The following DACH2 variants were observed in gnomAD, a reference collection of about 807,000 sequenced individuals.
The protein encoded by DACH2 is dachshund family transcription factor 2.
A neutral mutation model predicts 35.8 loss-of-function variants in DACH2; 17 were observed. The ratio of observed to expected loss-of-function variants is 0.48; its 90% CI spans 0.33 to 0.71. The LOEUF is 0.71. Ranked by LOEUF, DACH2 falls within the 30% of genes least tolerant of loss-of-function variation. The pLI is 0.02. For missense variants in DACH2, 469 were observed against 472.7 expected, an observed-to-expected ratio of 0.99 and a Z score of 0.07; for synonymous variants, 195 against 177.3, an observed-to-expected ratio of 1.10 and a Z score of -0.79.
chrX:86,747,741 G>A lies in DACH2; in HGVS notation c.1240+7859G>A, dbSNP rs138644288. On this transcript the variant is annotated intron_variant, in intron 7 of 11. Transcript: ENST00000373125. ...CAGATCAGGGTGGTGGTCACTGAAG[G>A]TTGGGGTGGCTGTGGAAATTCCTTA... Among the ~76,000 whole-genome samples, 773 of 111,766 alleles carry A rather than the reference G, an allele frequency of 6.9e-3. 4 individuals are homozygous for A. Among genetic ancestry groups the A allele is most frequent in the African/African-American group, 0.024 (731 of 30,811 alleles).
chrX:86,157,512 T>C (rs1012210300), intron 1 of DACH2, among the ~76,000 whole-genome samples: 1 of 111,806 alleles, frequency 8.9e-6, no homozygotes, highest in African/African-American at 3.2e-5. Flanking sequence ...TTAAAAGAAT[T>C]TGCAAGCTAA....
intron 2 of DACH2, among the ~76,000 whole-genome samples, chrX:86,494,660 A>G (rs2038140947): frequency 8.9e-6 from 1 of 112,356 alleles, no homozygotes; most frequent in Non-Finnish European, 1.9e-5. Context: ...TTTGGTATAA[A>G]CCACTGTGCA....
chrX:86,612,719 A>G (rs2039960615), intron 3 of DACH2, among the ~76,000 whole-genome samples: 2 of 112,265 alleles, frequency 1.8e-5, no homozygotes, highest in East Asian at 2.8e-4. Flanking sequence ...TGTCTTTCCT[A>G]CCCACTACAG....
intron 4 of DACH2, among the ~76,000 whole-genome samples, chrX:86,671,685 A>G (rs1321828675): frequency 9.0e-6 from 1 of 111,665 alleles, no homozygotes; most frequent in African/African-American, 3.3e-5. Flanking sequence ...AATTAAAGTT[A>G]TTTTCTTTAT....
chrX:86,669,960 G>T (rs1298553738), intron 4 of DACH2, among the ~76,000 whole-genome samples: 1 of 109,474 alleles, frequency 9.1e-6, no homozygotes, highest in African/African-American at 3.3e-5. Flanking sequence ...TCTTTCTTTT[G>T]CAAAGGAAAA....
intron 5 of DACH2, among the ~76,000 whole-genome samples, chrX:86,705,987 C>G (rs919824792): frequency 8.9e-6 from 1 of 111,829 alleles, no homozygotes; most frequent in East Asian, 2.8e-4. Context: ...TGAAGTAACT[C>G]AGGAATGGAA....
chrX:86,260,129 T>A (rs1277021285), intron 1 of DACH2, among the ~76,000 whole-genome samples: 1 of 110,807 alleles, frequency 9.0e-6, no homozygotes, highest in Non-Finnish European at 1.9e-5. Flanking sequence ...ATCAAACATA[T>A]GATTAATTAA....
At chrX:86,155,826 T>C (rs1345254937) in intron 1 of DACH2, among the ~76,000 whole-genome samples, 1 of 111,126 alleles carries the variant, frequency 9.0e-6, no homozygotes, top group African/African-American at 3.3e-5. Flanking sequence ...GTAAACACCG[T>C]TAAATGATAC....
rs1391639741 is a variant in DACH2 at position 86,679,616 on chromosome X, C to CTCTG, written c.773-15404_773-15403insCTGT. ...TCTCTCTCTCTCTCTCTCTCTGTCT[C>CTCTG]TGTGTGTGTGTGTGTGTGTGTGTGT... On this transcript the variant is annotated intron_variant, in intron 4 of 11. Transcript: ENST00000373125. 5.8e-3 allele frequency among the ~76,000 whole-genome samples: 560 copies of CTCTG among 96,274 alleles called. 1 individual carries two copies. Among genetic ancestry groups the CTCTG allele is most frequent in the African/African-American group, 0.016 (427 of 26,488 alleles). 83.6% of individuals were successfully genotyped at this position (96,274 alleles called of 115,157 possible).
chrX:86,420,985 G>A lies in DACH2; in HGVS notation c.527+44123G>A, dbSNP rs187385558. Among the ~76,000 whole-genome samples the A allele has an allele frequency of 3.9e-3, 437 of 110,832 alleles. 2 individuals carry two copies. The highest frequency in any genetic ancestry group is 0.014 in the African/African-American group (426 of 30,619). The stretch of plus-strand genomic sequence containing the variant: ...AAAAATATAAATATATATTATGAAA[G>A]AGTTTTCAGGAACTGATGGTAGAAG... On this transcript the variant is annotated intron_variant, in intron 2 of 11. Coordinates refer to ENST00000373125, the MANE Select transcript of DACH2 (RefSeq NM_053281.3).
chrX:86,741,253 C>A (rs2041652710), intron 7 of DACH2, among the ~76,000 whole-genome samples: 1 of 111,256 alleles, frequency 9.0e-6, no homozygotes. Flanking sequence ...GGAAATTAGT[C>A]CAAATCTCAC....
chrX:86,626,563 C>T (rs1431212577), intron 3 of DACH2, among the ~76,000 whole-genome samples: 1 of 113,040 alleles, frequency 8.8e-6, no homozygotes, highest in African/African-American at 3.2e-5. Flanking sequence ...CCTAGTAGTA[C>T]ATGTTCTCCA....
In DACH2 at chrX:86,661,376, A is replaced by G. The variant is rs971895359; in HGVS notation, c.772+10209A>G. Among the ~76,000 whole-genome samples, 7 of 112,458 alleles carry G rather than the reference A, an allele frequency of 6.2e-5. No individual in the cohort carries two copies. The East Asian group carries it at 1.7e-3, about 27-fold the overall frequency. ...CTGGAAACCACTAATCTACTATTAC[A>G]TTGTACTCTCTGTATGGATTTACCT... On this transcript the variant is annotated intron_variant, in intron 4 of 11. Coordinates refer to ENST00000373125, the MANE Select transcript of DACH2 (RefSeq NM_053281.3).
intron 2 of DACH2, among the ~76,000 whole-genome samples, chrX:86,471,256 T>G (rs1434625602): frequency 8.9e-6 from 1 of 111,881 alleles, no homozygotes; most frequent in Non-Finnish European, 1.9e-5. Context: ...ATTCATTGTT[T>G]GAGAGACCTT....
At chrX:86,804,419 C>T (rs2042323581) in intron 7 of DACH2, among the ~76,000 whole-genome samples, 1 of 111,631 alleles carries the variant, frequency 9.0e-6, no homozygotes, top group South Asian at 3.8e-4. Context: ...GCTGCATCTC[C>T]AACACTGGGG....
chrX:86,237,981 G>A (rs758963078), intron 1 of DACH2, among the ~76,000 whole-genome samples: 3 of 112,001 alleles, frequency 2.7e-5, no homozygotes, highest in African/African-American at 6.5e-5. Flanking sequence ...TTCTTATCTC[G>A]CTCAATGTGG....
chrX:86,502,011 T>TTTCCTTCC (rs533021751), intron 2 of DACH2, among the ~76,000 whole-genome samples: 191 of 95,543 alleles, frequency 2.0e-3, no homozygotes, highest in Admixed American at 2.4e-3. Flanking sequence ...TCTTTCCTTC[T>TTTCCTTCC]TTCCTTCCTT....
intron 3 of DACH2, among the ~76,000 whole-genome samples, chrX:86,546,404 C>CTTCTTCTTCTTCTTCCTT (rs774988785): frequency 1.2e-3 from 27 of 21,628 alleles, no homozygotes; most frequent in African/African-American, 3.0e-3. Flanking sequence ...TCTTCTTCTT[C>CTTCTTCTTCTTCTTCCTT]CTTCTTCTTC....
intron 1 of DACH2, among the ~76,000 whole-genome samples, chrX:86,253,975 A>T (rs963073271): frequency 8.9e-5 from 10 of 111,802 alleles, no homozygotes; most frequent in Non-Finnish European, 1.3e-4. Flanking sequence ...AATCTTCATA[A>T]ATATTTTTGT....
Sources: allele counts gnomAD v4.1 joint callset (sites outside exome capture counted in the v4.1 genomes callset), GRCh38; gene constraint gnomAD v4.1.1; transcripts MANE v1.5; gene names NCBI Gene and HGNC (gene_info 2026-07-23, HGNC 2026-07-21).